The following PECR variants were observed in gnomAD, a reference collection of about 807,000 sequenced individuals.
The protein encoded by PECR is peroxisomal trans-2-enoyl-CoA reductase.
Under a neutral mutation model 35.3 loss-of-function variants are expected in PECR, and 30 were observed. That is an observed-to-expected ratio of 0.85 (90% CI 0.64 to 1.15). The LOEUF (loss-of-function observed/expected upper bound fraction) is 1.15. PECR is among the 50% of genes most tolerant of loss of function. The pLI, the probability that PECR is intolerant of heterozygous loss-of-function variation, is 0.00. For synonymous variants in PECR, 148 were observed against 138.9 expected, an observed-to-expected ratio of 1.07 and a Z score of -0.46; for missense variants, 392 against 370.8, an observed-to-expected ratio of 1.06 and a Z score of -0.47.
In PECR at chr2:216,042,030, C is replaced by T. The variant is rs190750649; in HGVS notation, c.826+1874G>A. On this transcript the variant is annotated intron_variant, in intron 7 of 7. Coordinates refer to ENST00000265322, the MANE Select transcript of PECR (RefSeq NM_018441.6). Reference sequence around the variant, plus strand: ...TTGTGTGAGCTGCTCTAGCAAATTACTCCAACCCAAAGAGGGGGTCGTGGG... The same window carrying T: ...TTGTGTGAGCTGCTCTAGCAAATTATTCCAACCCAAAGAGGGGGTCGTGGG... 3.0e-4 allele frequency among the ~76,000 whole-genome samples: 45 copies of T among 152,302 alleles called. 1 individual carries two copies. Among genetic ancestry groups the T allele is most frequent in the Admixed American group, 9.8e-4 (15 of 15,304 alleles).
At chr2:216,047,421 C>T (rs1695017272) in intron 6 of PECR, among the ~76,000 whole-genome samples, 1 of 152,080 alleles carries the variant, frequency 6.6e-6, no homozygotes, top group African/African-American at 2.4e-5. Flanking sequence ...TTCAATAAAT[C>T]TGAAAGTTAT....
At chr2:216,041,270 A>G (rs1694881745) in intron 7 of PECR, among the ~76,000 whole-genome samples, 1 of 152,260 alleles carries the variant, frequency 6.6e-6, no homozygotes, top group South Asian at 2.1e-4. Flanking sequence ...TAAAGGTAAA[A>G]CAGTGCAACC....
At chr2:216,074,493 A>AAGGAAGG (rs1166552066) in intron 1 of PECR, among the ~76,000 whole-genome samples, 3 of 133,000 alleles carry the variant, frequency 2.3e-5, no homozygotes, top group Admixed American at 1.6e-4. Flanking sequence ...AGAAAGAAAA[A>AAGGAAGG]AAGGAAGGAA....
chr2:216,069,334 T>C (rs1235437445), intron 1 of PECR, among the ~76,000 whole-genome samples: 3 of 152,212 alleles, frequency 2.0e-5, no homozygotes, highest in African/African-American at 7.2e-5. Context: ...AATATAGCTG[T>C]GTCACCTCCT....
At chr2:216,070,788 T>C (rs1695573862) in intron 1 of PECR, among the ~76,000 whole-genome samples, 2 of 152,142 alleles carry the variant, frequency 1.3e-5, no homozygotes, top group Non-Finnish European at 2.9e-5. Flanking sequence ...GATCACAGGT[T>C]CACATTATTG....
chr2:216,040,523 AGATTACAG>A (rs773056154), intron 7 of PECR, among the ~76,000 whole-genome samples: 1 of 152,076 alleles, frequency 6.6e-6, no homozygotes, highest in Non-Finnish European at 1.5e-5. Flanking sequence ...CAAAGTGCTG[AGATTACAG>A]GTGTGAGCCA....
chr2:216,079,009 G>A (rs183179239), intron 1 of PECR, among the ~76,000 whole-genome samples: 2 of 152,290 alleles, frequency 1.3e-5, no homozygotes, highest in East Asian at 3.9e-4. Flanking sequence ...GAGAAGCCTA[G>A]TATCTGACCT....
intron 6 of PECR, among the ~76,000 whole-genome samples, chr2:216,047,173 G>A (rs1302191498): frequency 1.3e-5 from 2 of 151,482 alleles, no homozygotes; most frequent in Non-Finnish European, 2.9e-5. Context: ...CAGGAGAATC[G>A]CTTAAACCCA....
At chr2:216,043,783 T>C (rs963336691) in intron 7 of PECR, 121 bp downstream of exon 7, 2 of 674,844 alleles carry the variant, frequency 3.0e-6, no homozygotes, top group African/African-American at 1.8e-5. Context: ...AAACATTTTG[T>C]ACATTTTGAT....
chr2:216,067,141 G>A (rs556926284), intron 1 of PECR, among the ~76,000 whole-genome samples: 123 of 152,214 alleles, frequency 8.1e-4, no homozygotes, highest in Non-Finnish European at 1.2e-3. Context: ...TCTCCCTGGC[G>A]GAAGAGATGA....
Position 216,042,495 on chromosome 2 carries a change from A to G in PECR, c.826+1409T>C, listed in dbSNP as rs73990737. Among the ~76,000 whole-genome samples the G allele has an allele frequency of 8.5e-3, 1,299 of 152,302 alleles. 26 individuals carry two copies. Among genetic ancestry groups the G allele is most frequent in the African/African-American group, 0.029 (1,225 of 41,578 alleles). ...ACCATCTATTAATTTGCTAGTAGCC[A>G]CTTAATTATCTTTAACAACAGAAAT... On this transcript the variant is annotated intron_variant, in intron 7 of 7. Coordinates refer to ENST00000265322, the MANE Select transcript of PECR (RefSeq NM_018441.6).
rs533394186 is a variant in PECR at position 216,043,927 on chromosome 2, T to C, written c.803A>G (p.Tyr268Cys). The change falls in exon 7 of 8, where the codon TAT becomes TGT. Residue 268 changes from tyrosine (Y) to cysteine (C), a missense_variant. Physicochemically the swap from Tyr to Cys is radical, Grantham distance 194. Coordinates refer to ENST00000265322, the MANE Select transcript of PECR (RefSeq NM_018441.6). ...SVDVDGGRSL[Y>C]THSYEVPDHD... ...ACCTGGTACCTCATACGAGTGAGTA[T>C]AGAGACTCCGGCCCCCATCCACATC... is the stretch of plus-strand genomic sequence containing the variant. 79 of 1,602,282 alleles carry C rather than the reference T, an allele frequency of 4.9e-5. No individual in the cohort carries two copies. The highest frequency in any genetic ancestry group is 4.1e-4 in the South Asian group (37 of 90,862).
chr2:216,080,455 T>A (rs1266964967), intron 1 of PECR, among the ~76,000 whole-genome samples: 1 of 152,228 alleles, frequency 6.6e-6, no homozygotes, highest in African/African-American at 2.4e-5. Context: ...GATTTTTAGG[T>A]AATTTCCATT....
At chr2:216,071,359 T>C (rs897247623) in intron 1 of PECR, among the ~76,000 whole-genome samples, 4 of 152,132 alleles carry the variant, frequency 2.6e-5, no homozygotes, top group Non-Finnish European at 5.9e-5. Context: ...AAACTTCTCA[T>C]TGATAAGGAG....
At chr2:216,076,106 A>G (rs1396594296) in intron 1 of PECR, among the ~76,000 whole-genome samples, 3 of 151,252 alleles carry the variant, frequency 2.0e-5, no homozygotes, top group Non-Finnish European at 3.0e-5. Flanking sequence ...GTCCTCTCAG[A>G]AAAAGGAAAA....
chr2:216,045,875 C>G (rs754240393), intron 6 of PECR, among the ~76,000 whole-genome samples: 8 of 152,192 alleles, frequency 5.3e-5, no homozygotes, highest in Non-Finnish European at 8.8e-5. Context: ...AAACCACACT[C>G]CCTCAAAAAC....
In PECR at chr2:216,065,967, T is replaced by C. The variant is rs140147417; in HGVS notation, c.258+418A>G. ...CGGTGAAACCCGTCTTTATGAAAAA[T>C]ACAAAAATTAGCTGGGCATGGTGGC... On this transcript the variant is annotated intron_variant, in intron 2 of 7. Coordinates refer to ENST00000265322, the MANE Select transcript of PECR (RefSeq NM_018441.6). Among the ~76,000 whole-genome samples the C allele has an allele frequency of 1.3e-3, 197 of 152,120 alleles. 6 individuals carry two copies. In the East Asian group the frequency reaches 0.037, roughly 29 times the overall value.
chr2:216,058,119 C>G (rs1026021252), intron 4 of PECR, among the ~76,000 whole-genome samples: 1 of 152,124 alleles, frequency 6.6e-6, no homozygotes, highest in South Asian at 2.1e-4. Flanking sequence ...GTACCAGGAT[C>G]CCCTCCAGGG....
chr2:216,030,952 TCTCTCACA>T lies in PECR; in HGVS notation c.*440+8231_*440+8238del, dbSNP rs1326637972. On this transcript the variant is annotated intron_variant and NMD_transcript_variant, in intron 7 of 7. Transcript: ENST00000442122. The stretch of plus-strand genomic sequence containing the variant: ...TTCTCTCTCTCTCTCTCTCTCTCTC[TCTCTCACA>T]CACACACACACACACACACACACAC... 6.1e-3 allele frequency among the ~76,000 whole-genome samples: 649 copies of T among 106,972 alleles called. 6 individuals carry two copies. Among genetic ancestry groups the T allele is most frequent in the African/African-American group, 0.023 (586 of 24,944 alleles). The allele number at this position is 106,972 out of a possible 152,430, so 70.2% of individuals were successfully genotyped here.
Sources: gnomAD v4.1 joint callset for allele counts (sites outside exome capture counted in the v4.1 genomes callset) on GRCh38, gnomAD v4.1.1 for gene constraint, MANE v1.5 for transcripts, NCBI Gene and HGNC (gene_info 2026-07-23, HGNC 2026-07-21) for gene names.